The following ATXN7L1 variants were observed in gnomAD, a reference collection of about 807,000 sequenced individuals.
ATXN7L1 encodes ataxin 7 like 1, also known as ataxin-7-like protein 1.
In ATXN7L1, 15 loss-of-function variants were observed where a neutral mutation model predicts 70.8. The ratio of observed to expected loss-of-function variants is 0.21; its 90% CI spans 0.14 to 0.33. The LOEUF (loss-of-function observed/expected upper bound fraction) is 0.33. ATXN7L1 is among the 10% of genes least tolerant of loss of function. The pLI is 1.00. For missense variants in ATXN7L1, 975 were observed against 1,097.1 expected, an observed-to-expected ratio of 0.89 and a Z score of 1.57; for synonymous variants, 440 against 445.1, an observed-to-expected ratio of 0.99 and a Z score of 0.14.
At chr7:105,805,891 G>A (rs1268273237) in intron 2 of ATXN7L1, among the ~76,000 whole-genome samples, 1 of 152,178 alleles carries the variant, frequency 6.6e-6, no homozygotes, top group Non-Finnish European at 1.5e-5. Flanking sequence ...GAGGTGCGAG[G>A]CAGAGTTTTA....
chr7:105,725,214 A>G (rs995458313), intron 3 of ATXN7L1, among the ~76,000 whole-genome samples: 18 of 152,190 alleles, frequency 1.2e-4, no homozygotes, highest in African/African-American at 4.1e-4. Flanking sequence ...TAAAGAGAGA[A>G]GAAAGAGAGA....
intron 3 of ATXN7L1, among the ~76,000 whole-genome samples, chr7:105,779,544 T>C (rs1803241125): frequency 6.6e-6 from 1 of 152,238 alleles, no homozygotes. Flanking sequence ...TCAGTCATTC[T>C]GTCATTTCTT....
At chr7:105,799,485 T>C (rs1291157210) in intron 2 of ATXN7L1, among the ~76,000 whole-genome samples, 1 of 152,222 alleles carries the variant, frequency 6.6e-6, no homozygotes, top group East Asian at 1.9e-4. Flanking sequence ...TAATGGGTCC[T>C]ACTGGCCATG....
chr7:105,638,128 GTGA>G (rs1229634453), intron 7 of ATXN7L1, among the ~76,000 whole-genome samples: 2 of 152,216 alleles, frequency 1.3e-5, no homozygotes, highest in Non-Finnish European at 2.9e-5. Flanking sequence ...GATGATGACA[GTGA>G]TGATAATAAT....
chr7:105,841,290 C>T (rs1813172920), intron 2 of ATXN7L1, among the ~76,000 whole-genome samples: 1 of 152,202 alleles, frequency 6.6e-6, no homozygotes, highest in Non-Finnish European at 1.5e-5. Flanking sequence ...CTGGCTGCCT[C>T]ACCTTGGACA....
intron 2 of ATXN7L1, among the ~76,000 whole-genome samples, chr7:105,840,365 G>A (rs1413127071): frequency 1.3e-5 from 2 of 152,192 alleles, no homozygotes; most frequent in African/African-American, 2.4e-5. Context: ...CTGCTGTGGC[G>A]AAGAGGAGGG....
chr7:105,840,070 G>A (rs1049908973), intron 2 of ATXN7L1, among the ~76,000 whole-genome samples: 2 of 152,204 alleles, frequency 1.3e-5, no homozygotes, highest in African/African-American at 4.8e-5. Flanking sequence ...GAGAGGGTGA[G>A]TGGTCTGTGG....
At chr7:105,845,990 T>C (rs1377763532) in intron 2 of ATXN7L1, among the ~76,000 whole-genome samples, 2 of 152,116 alleles carry the variant, frequency 1.3e-5, no homozygotes, top group African/African-American at 2.4e-5. Context: ...AATTAGACAA[T>C]GGTTTCTTAG....
At chr7:105,628,753 A>C (rs987966619) in intron 7 of ATXN7L1, among the ~76,000 whole-genome samples, 1 of 151,904 alleles carries the variant, frequency 6.6e-6, no homozygotes, top group African/African-American at 2.4e-5. Context: ...AGATCGCGCC[A>C]CTGTACTCCA....
intron 3 of ATXN7L1, among the ~76,000 whole-genome samples, chr7:105,755,875 C>T (rs1338923053): frequency 1.3e-5 from 2 of 152,180 alleles, no homozygotes; most frequent in African/African-American, 4.8e-5. Flanking sequence ...GGAAGGGCAA[C>T]ATCCAGGTAA....
chr7:105,695,635 T>G (rs1437319626), intron 3 of ATXN7L1, among the ~76,000 whole-genome samples: 3 of 152,216 alleles, frequency 2.0e-5, no homozygotes, highest in African/African-American at 7.2e-5. Context: ...GGTGCACCAC[T>G]GCACATGTAG....
At position 105,614,363 on chromosome 7, in the gene ATXN7L1, G is replaced by A; in HGVS notation, c.1971C>T (p.Ser657=). The A allele has an allele frequency of 1.3e-6, 2 of 1,550,360 alleles. No homozygotes were observed. The highest frequency in any genetic ancestry group is 8.7e-7 in the Non-Finnish European group (1 of 1,145,958). Reference sequence around the variant, plus strand: ...GGGATGTCTGCAAGGAAGAGGAGGAGGAGGAGGAGGAGGAGGAAGTCGAAG... The same window carrying A: ...GGGATGTCTGCAAGGAAGAGGAGGAAGAGGAGGAGGAGGAGGAAGTCGAAG... The part of the protein sequence containing the change: ...PQSSTSSSSS[S]SSSSLQTSLS... Residue 657 remains serine, a synonymous_variant, in exon 10 of 12, where the codon TCC becomes TCT. Transcript: ENST00000419735. The surrounding 1 kb of genome is among the most constrained non-coding windows in gnomAD (Gnocchi z 4.3).
In ATXN7L1 at chr7:105,614,542, A is replaced by G. The variant is rs1325452778; in HGVS notation, c.1792T>C (p.Phe598Leu). The change falls in exon 10 of 12, where the codon TTC (phenylalanine) becomes CTC (leucine). Residue 598 changes from phenylalanine to leucine, a missense_variant. Around this residue, in one of 5 missense-constraint regions of ATXN7L1, gnomAD observed 635 missense variants for 699.4 expected, o/e 0.91. Coordinates refer to ENST00000419735, the MANE Select transcript of ATXN7L1 (RefSeq NM_020725.2). The surrounding 1 kb of genome is among the most constrained non-coding windows in gnomAD (Gnocchi z 4.3). Reference protein sequence around the residue: ...AATLSIMDSTFKAPSAVSPIP... With the variant: ...AATLSIMDSTLKAPSAVSPIP... ...GGGGACACGGCGGATGGGGCCTTGA[A>G]GGTTGAGTCCATGATGCTGAGGGTT... 3.2e-5 allele frequency: 50 copies of G among 1,541,762 alleles called. No homozygotes were observed. The highest frequency in any genetic ancestry group is 4.2e-5 in the Non-Finnish European group (48 of 1,140,484).
chr7:105,641,245 A>G (rs1285496545), intron 5 of ATXN7L1, among the ~76,000 whole-genome samples: 4 of 12,116 alleles, frequency 3.3e-4, no homozygotes, highest in Admixed American at 7.1e-4. Context: ...TTTTTTTTTT[A>G]GCTTCACTTA....
At chr7:105,695,667 G>T (rs1400836881) in intron 3 of ATXN7L1, among the ~76,000 whole-genome samples, 1 of 152,184 alleles carries the variant, frequency 6.6e-6, no homozygotes, top group Non-Finnish European at 1.5e-5. Context: ...CTTAGCACAT[G>T]GTTTGGGGGA....
At chr7:105,780,783 T>C (rs182972945) in intron 3 of ATXN7L1, among the ~76,000 whole-genome samples, 1 of 152,350 alleles carries the variant, frequency 6.6e-6, no homozygotes, top group East Asian at 1.9e-4. Flanking sequence ...GTTTTACACT[T>C]TGCATGTATG....
chr7:105,780,644 T>C (rs1803393430), intron 3 of ATXN7L1, among the ~76,000 whole-genome samples: 1 of 152,110 alleles, frequency 6.6e-6, no homozygotes, highest in Non-Finnish European at 1.5e-5. Flanking sequence ...CTGAGAGGAC[T>C]AGTGCCAAGT....
At chr7:105,824,901 GAC>G (rs1186244355) in intron 2 of ATXN7L1, among the ~76,000 whole-genome samples, 1 of 143,396 alleles carries the variant, frequency 7.0e-6, no homozygotes, top group African/African-American at 2.6e-5. Context: ...CAGCCTGGGC[GAC>G]AGAGTGAGAT....
chr7:105,737,448 G>C (rs1731932995), intron 3 of ATXN7L1, among the ~76,000 whole-genome samples: 1 of 152,128 alleles, frequency 6.6e-6, no homozygotes, highest in Admixed American at 6.6e-5. Flanking sequence ...TGCTACAGTT[G>C]GGTATGTAGA....
Sources: allele counts gnomAD v4.1 joint callset (sites outside exome capture counted in the v4.1 genomes callset), GRCh38; gene constraint gnomAD v4.1.1; regional missense constraint gnomAD v4.1.1; non-coding constraint Gnocchi (gnomAD v3.1); transcripts MANE v1.5; gene names NCBI Gene and HGNC (gene_info 2026-07-23, HGNC 2026-07-21).